Variants in CCDC7 observed in about 807,000 individuals in gnomAD.
CCDC7 encodes coiled-coil domain-containing protein 7.
In CCDC7, 183 loss-of-function variants were observed where a neutral mutation model predicts 196.9. The ratio of observed to expected loss-of-function variants is 0.93; its 90% CI spans 0.82 to 1.05. CCDC7 has a LOEUF of 1.05. Among genes scored for constraint, CCDC7 ranks in the 50% least tolerant of loss-of-function variants. The probability of loss-of-function intolerance (pLI) is 0.00; values close to 1 mark genes in which losing one functional copy is unlikely to be tolerated. For synonymous variants in CCDC7, 525 were observed against 484.6 expected (o/e 1.08, Z -1.10); for missense variants, 1,540 against 1,482.2 (o/e 1.04, Z -0.64).
intron 20 of CCDC7, among the ~76,000 whole-genome samples, chr10:32,640,872 TTTTC>T (rs1310782326): frequency 0.048 from 2,527 of 52,418 alleles, 71 homozygotes; most frequent in Non-Finnish European, 0.14. Flanking sequence ...TTCTTTTTTT[TTTTC>T]TTTTTTTTTT....
chr10:32,543,515 A>G, intron 12 of CCDC7, 130 bp downstream of exon 13: 2 of 977,346 alleles, frequency 2.0e-6, no homozygotes, highest in Non-Finnish European at 2.7e-6. Flanking sequence ...TGGCAAATAC[A>G]TGTTTTTATA....
intron 28 of CCDC7, among the ~76,000 whole-genome samples, chr10:32,743,844 T>C (rs980793839): frequency 2.6e-5 from 4 of 152,040 alleles, no homozygotes; most frequent in Admixed American, 2.6e-4. Context: ...TGTAGGGACA[T>C]GGATGAAGCT....
chr10:32,490,953 C>T (rs2042056091), intron 8 of CCDC7, among the ~76,000 whole-genome samples: 1 of 152,158 alleles, frequency 6.6e-6, no homozygotes, highest in Non-Finnish European at 1.5e-5. Flanking sequence ...GGAATATTGA[C>T]TCTCTCAAAG....
chr10:32,471,728 CT>C (rs1564376231), intron 6 of CCDC7, among the ~76,000 whole-genome samples: 1 of 152,122 alleles, frequency 6.6e-6, no homozygotes, highest in Non-Finnish European at 1.5e-5. Flanking sequence ...ATAAAACATT[CT>C]TTTTTTGTGT....
At chr10:32,724,601 G>A (rs1299977112) in intron 25 of CCDC7, among the ~76,000 whole-genome samples, 1 of 152,076 alleles carries the variant, frequency 6.6e-6, no homozygotes, top group African/African-American at 2.4e-5. Context: ...CAAATGAAAA[G>A]CTCTTGCCAT....
intron 29 of CCDC7, among the ~76,000 whole-genome samples, chr10:32,803,700 A>G (rs1320937301): frequency 6.6e-6 from 1 of 152,134 alleles, no homozygotes; most frequent in African/African-American, 2.4e-5. Flanking sequence ...GTCTGTCTAT[A>G]TCTTTTAATT....
intron 28 of CCDC7, among the ~76,000 whole-genome samples, chr10:32,747,049 A>AC (rs547400283): frequency 1.4e-4 from 21 of 151,600 alleles, no homozygotes; most frequent in East Asian, 7.8e-4. Flanking sequence ...CTTTGCTGGG[A>AC]CCCCCCCAAC....
chr10:32,778,349 C>T (rs1367884435), intron 28 of CCDC7, among the ~76,000 whole-genome samples: 1 of 152,106 alleles, frequency 6.6e-6, no homozygotes, highest in Admixed American at 6.6e-5. Context: ...TCCTTCTTGA[C>T]TAAATTTTTG....
exon 9 of CCDC7, chr10:32,491,956 C>A: frequency 6.4e-7 from 1 of 1,574,698 alleles, no homozygotes; most frequent in Non-Finnish European, 8.6e-7. Flanking sequence ...GATTTAATGC[C>A]ATGTTGAAAG....
At chr10:32,451,437 T>A (rs1025884065), upstream of CCDC7, among the ~76,000 whole-genome samples, 1 of 152,378 alleles carries the variant, frequency 6.6e-6, no homozygotes, top group Admixed American at 6.5e-5. Flanking sequence ...TTTAAGTTAC[T>A]GTGACTCAAA....
intron 33 of CCDC7, among the ~76,000 whole-genome samples, chr10:32,844,801 C>G (rs1461315733): frequency 2.0e-5 from 3 of 151,722 alleles, no homozygotes; most frequent in African/African-American, 7.2e-5. Flanking sequence ...CCTTCAAATT[C>G]TGTTTTGTGA....
intron 6 of CCDC7, 85 bp from the exon 8 acceptor site, chr10:32,472,396 A>G: frequency 8.1e-7 from 1 of 1,228,750 alleles, no homozygotes; most frequent in Non-Finnish European, 1.1e-6. Flanking sequence ...ATATGTCTGG[A>G]CTTCACATTT....
At chr10:32,731,258 T>TAA (rs1180387244) in intron 28 of CCDC7, among the ~76,000 whole-genome samples, 1 of 152,044 alleles carries the variant, frequency 6.6e-6, no homozygotes, top group Non-Finnish European at 1.5e-5. Flanking sequence ...TACTACAGAG[T>TAA]GATTTTGGTT....
intron 18 of CCDC7, among the ~76,000 whole-genome samples, chr10:32,606,951 G>A (rs2061614282): frequency 6.6e-6 from 1 of 152,186 alleles, no homozygotes; most frequent in Non-Finnish European, 1.5e-5. Context: ...GAATGATATG[G>A]TTTGGATATC....
intron 9 of CCDC7, chr10:32,512,298 C>G (rs2046339837): frequency 6.6e-6 from 1 of 152,318 alleles, no homozygotes; most frequent in African/African-American, 2.4e-5. Context: ...GAAAGCAGTC[C>G]TGTTAAGAAT....
intron 8 of CCDC7, among the ~76,000 whole-genome samples, chr10:32,490,612 C>T (rs894402243): frequency 3.5e-4 from 53 of 152,144 alleles, no homozygotes; most frequent in East Asian, 5.8e-4. Context: ...CTGGCTAACA[C>T]AGTGAAACCC....
Position 32,741,344 on chromosome 10 carries a change from T to C in CCDC7, c.2905+11887T>C, listed in dbSNP as rs533059143. On this transcript the variant is annotated intron_variant, in intron 28 of 41. Coordinates refer to ENST00000639629, the Ensembl canonical transcript of CCDC7. ...TCAGTACATATTAAAATTATGCACA[T>C]TGCTGGAATCTTTTCAATTAAAATT... Among the ~76,000 whole-genome samples, 207 of 150,956 alleles carry C rather than the reference T, an allele frequency of 1.4e-3. 1 individual carries two copies. The highest frequency in any genetic ancestry group is 2.8e-3 in the African/African-American group (114 of 41,364).
chr10:32,874,962 A>G (rs1482038362), intron 41 of CCDC7, among the ~76,000 whole-genome samples: 1 of 151,818 alleles, frequency 6.6e-6, no homozygotes, highest in Non-Finnish European at 1.5e-5. Flanking sequence ...TCTTGAGTCA[A>G]TTTTTGTACA....
At position 32,829,614 on chromosome 10, in the gene CCDC7, G is replaced by A. The variant is rs118017020; in HGVS notation, c.3268+5010G>A. Among the ~76,000 whole-genome samples, 578 of 152,186 alleles carry A rather than the reference G, an allele frequency of 3.8e-3. 1 individual carries two copies. The highest frequency in any genetic ancestry group is 6.5e-3 in the Non-Finnish European group (439 of 68,000). ...ATGAAGGATAGTTGTATCACGTTAGGCATAATTATGACTTTATTATTGCCT... is the reference window on the plus strand; with the variant it reads ...ATGAAGGATAGTTGTATCACGTTAGACATAATTATGACTTTATTATTGCCT... On this transcript the variant is annotated intron_variant, in intron 32 of 41. Coordinates refer to ENST00000639629, the Ensembl canonical transcript of CCDC7.
Sources: gnomAD v4.1 joint callset for allele counts (sites outside exome capture counted in the v4.1 genomes callset) on GRCh38, gnomAD v4.1.1 for gene constraint, MANE v1.5 for transcripts, NCBI Gene and HGNC (gene_info 2026-07-23, HGNC 2026-07-21) for gene names.